SCHIP1: variants seen among roughly 807,000 people sequenced by gnomAD.
SCHIP1 encodes schwannomin interacting protein 1, also known as schwannomin-interacting protein 1.
Under a neutral mutation model 29.7 loss-of-function variants are expected in SCHIP1, and 8 were observed. The ratio of observed to expected loss-of-function variants is 0.27; its 90% CI spans 0.16 to 0.49. The LOEUF (loss-of-function observed/expected upper bound fraction) is 0.49, where lower values mean the gene tolerates loss of function less well. Among genes scored for constraint, SCHIP1 ranks in the 20% least tolerant of loss-of-function variants. The probability of loss-of-function intolerance (pLI) is 0.99; values close to 1 mark genes in which losing one functional copy is unlikely to be tolerated. For missense variants in SCHIP1, 193 were observed against 294.6 expected, an observed-to-expected ratio of 0.66 and a Z score of 2.52; for synonymous variants, 76 against 94.9, an observed-to-expected ratio of 0.80 and a Z score of 1.16.
At chr3:159,777,528 T>C in the SCHIP1 span, among the ~76,000 whole-genome samples, 69 of 86,730 alleles carry the variant, frequency 8.0e-4, no homozygotes, top group African/African-American at 2.6e-3. Flanking sequence ...GCATTTACTT[T>C]TCTCTTTCAT....
the SCHIP1 span, among the ~76,000 whole-genome samples, chr3:159,701,554 T>C: frequency 8.2e-4 from 125 of 152,332 alleles, no homozygotes; most frequent in East Asian, 1.9e-4. Flanking sequence ...TTTTCCTTTA[T>C]AACCTAATAC....
At chr3:159,558,735 C>T in the SCHIP1 span, among the ~76,000 whole-genome samples, 28 of 152,144 alleles carry the variant, frequency 1.8e-4, no homozygotes, top group African/African-American at 5.6e-4. Context: ...TCCACAAATG[C>T]TATAATAGCA....
the SCHIP1 span, among the ~76,000 whole-genome samples, chr3:159,586,361 T>C: frequency 2.0e-5 from 3 of 152,148 alleles, no homozygotes; most frequent in African/African-American, 7.2e-5. Context: ...TGGACCCTTA[T>C]TTTCATATGC....
chr3:159,894,568 TTTTA>T (rs1427346109), intron 6 of SCHIP1: 2 of 152,238 alleles, frequency 1.3e-5, no homozygotes, highest in African/African-American at 4.8e-5. Context: ...TGGCACTGTG[TTTTA>T]TTTGTCTGCT....
At chr3:159,857,788 C>T (rs1462950100) in intron 1 of SCHIP1, among the ~76,000 whole-genome samples, 1 of 152,142 alleles carries the variant, frequency 6.6e-6, no homozygotes, top group East Asian at 1.9e-4. Flanking sequence ...GCGCCAAGCA[C>T]TTTCTATATA....
At chr3:159,677,441 C>T in the SCHIP1 span, among the ~76,000 whole-genome samples, 1 of 151,586 alleles carries the variant, frequency 6.6e-6, no homozygotes, top group Admixed American at 6.6e-5. Context: ...AGTTGGACTG[C>T]AGGCTGAGAA....
At chr3:159,866,497 T>A (rs992824471) in intron 2 of SCHIP1, among the ~76,000 whole-genome samples, 1 of 152,158 alleles carries the variant, frequency 6.6e-6, no homozygotes, top group Non-Finnish European at 1.5e-5. Flanking sequence ...TCCCAGCTAC[T>A]TGAGGTCAGA....
the SCHIP1 span, among the ~76,000 whole-genome samples, chr3:159,755,133 G>A: frequency 0.28 from 42,416 of 152,004 alleles, 5,959 homozygotes; most frequent in Middle Eastern, 0.35. Flanking sequence ...TACTCGGGAG[G>A]CTGAGGCAGG....
the SCHIP1 span, among the ~76,000 whole-genome samples, chr3:159,439,664 T>C: frequency 6.6e-6 from 1 of 152,226 alleles, no homozygotes; most frequent in Admixed American, 6.5e-5. Context: ...ATATATTTGT[T>C]GGCCACATGT....
At chr3:159,543,138 G>T in the SCHIP1 span, among the ~76,000 whole-genome samples, 1 of 139,528 alleles carries the variant, frequency 7.2e-6, no homozygotes, top group African/African-American at 2.7e-5. Flanking sequence ...TATATATATA[G>T]ATATAAAAGT....
chr3:159,889,539 G>C (rs1303988525), intron 5 of SCHIP1, among the ~76,000 whole-genome samples: 3 of 152,214 alleles, frequency 2.0e-5, no homozygotes, highest in Non-Finnish European at 4.4e-5. Flanking sequence ...TGATGAAAGA[G>C]AGAACATTCT....
chr3:159,518,252 G>A, the SCHIP1 span, among the ~76,000 whole-genome samples: 1 of 152,036 alleles, frequency 6.6e-6, no homozygotes, highest in African/African-American at 2.4e-5. Flanking sequence ...ACACACCTAT[G>A]AAAGTGAGAC....
At chr3:159,399,628 T>C in the SCHIP1 span, among the ~76,000 whole-genome samples, 1 of 152,122 alleles carries the variant, frequency 6.6e-6, no homozygotes, top group African/African-American at 2.4e-5. Flanking sequence ...AACAGATTCT[T>C]AGAGTAGTGA....
the SCHIP1 span, among the ~76,000 whole-genome samples, chr3:159,317,171 T>C: frequency 3.3e-5 from 5 of 152,220 alleles, no homozygotes; most frequent in Non-Finnish European, 7.3e-5. Flanking sequence ...ATGCATACTC[T>C]ACTCCATTGT....
the SCHIP1 span, among the ~76,000 whole-genome samples, chr3:159,483,140 G>A: frequency 3.3e-5 from 5 of 152,162 alleles, no homozygotes; most frequent in African/African-American, 1.2e-4. Context: ...TGTTTTGGGA[G>A]ATTTTTTTTC....
the SCHIP1 span, among the ~76,000 whole-genome samples, chr3:159,675,764 A>G: frequency 2.6e-5 from 4 of 152,234 alleles, no homozygotes; most frequent in Non-Finnish European, 5.9e-5. Context: ...TATGCAAAGA[A>G]AAGTGCTGTC....
the SCHIP1 span, among the ~76,000 whole-genome samples, chr3:159,346,648 G>A: frequency 1.3e-5 from 2 of 152,080 alleles, no homozygotes; most frequent in South Asian, 2.1e-4. Context: ...TTAGTGCATC[G>A]TAGAGAATAA....
At chr3:159,460,787 T>G in the SCHIP1 span, among the ~76,000 whole-genome samples, 1 of 152,094 alleles carries the variant, frequency 6.6e-6, no homozygotes, top group Non-Finnish European at 1.5e-5. Context: ...ATGAGCAAGG[T>G]TTATGAAGCA....
At chr3:159,769,925 A>G in the SCHIP1 span, among the ~76,000 whole-genome samples, 1 of 152,226 alleles carries the variant, frequency 6.6e-6, no homozygotes, top group Non-Finnish European at 1.5e-5. Flanking sequence ...CATATTTAGC[A>G]TCCCCAAAAG....
Sources: gnomAD v4.1 joint callset for allele counts (sites outside exome capture counted in the v4.1 genomes callset) on GRCh38, gnomAD v4.1.1 for gene constraint, MANE v1.5 for transcripts, NCBI Gene and HGNC (gene_info 2026-07-23, HGNC 2026-07-21) for gene names.